Variants in NSD3 observed in about 807,000 individuals in gnomAD.
NSD3 encodes nuclear receptor binding SET domain protein 3, also known as histone-lysine N-methyltransferase NSD3.
A neutral mutation model predicts 160.8 loss-of-function variants in NSD3; 24 were observed. The observed-to-expected ratio is 0.15, with a 90% CI of 0.11 to 0.21. The LOEUF (loss-of-function observed/expected upper bound fraction) is 0.21. Among genes scored for constraint, NSD3 ranks in the 10% least tolerant of loss-of-function variants. The pLI is 1.00. For synonymous variants in NSD3, 520 were observed against 600.0 expected, an observed-to-expected ratio of 0.87 and a Z score of 1.95; for missense variants, 1,157 against 1,735.9, an observed-to-expected ratio of 0.67 and a Z score of 5.93.
chr8:38,316,649 A>T lies in NSD3; in HGVS notation c.1856-607T>A. The T allele has an allele frequency of 1.9e-6, 2 of 1,053,350 alleles. No individual in the cohort carries two copies. The highest frequency in any genetic ancestry group is 2.3e-6 in the Non-Finnish European group (2 of 871,782). The allele number at this position is 1,053,350 out of a possible 1,614,324, so 65.3% of individuals were successfully genotyped here. ...TTAACAAGCGCTGCAGCACATCTACATATGTCATGCCATTTAGAAGGCACA... is the reference window on the plus strand; with the variant it reads ...TTAACAAGCGCTGCAGCACATCTACTTATGTCATGCCATTTAGAAGGCACA... On this transcript the variant is annotated intron_variant, in intron 9 of 23. Coordinates refer to ENST00000317025, the MANE Select transcript of NSD3 (RefSeq NM_023034.2). The surrounding 1 kb of genome is among the most constrained non-coding windows in gnomAD (Gnocchi z 4.5).
chr8:38,326,687 A>G, intron 7 of NSD3, 43 bp downstream of exon 7: 1 of 1,571,742 alleles, frequency 6.4e-7, no homozygotes. Context: ...CAGAACAAGG[A>G]TTTCTCAAAA....
intron 19 of NSD3, among the ~76,000 whole-genome samples, chr8:38,282,318 T>A (rs1480858206): frequency 2.6e-5 from 4 of 152,168 alleles, no homozygotes; most frequent in Non-Finnish European, 5.9e-5. Flanking sequence ...CCTCCACTCA[T>A]CTCATCCTAA....
At chr8:38,311,700 T>A (rs1021349619) in intron 12 of NSD3, among the ~76,000 whole-genome samples, 9 of 152,340 alleles carry the variant, frequency 5.9e-5, no homozygotes, top group African/African-American at 2.2e-4. Flanking sequence ...TTATGAGATA[T>A]GTAATTTGCA....
chr8:38,358,845 G>C (rs1810888468), intron 1 of NSD3, among the ~76,000 whole-genome samples: 1 of 152,030 alleles, frequency 6.6e-6, no homozygotes, highest in South Asian at 2.1e-4. Flanking sequence ...CCGGGTGACA[G>C]CATCAAGGGA....
chr8:38,377,644 C>T (rs1168449432), intron 1 of NSD3, among the ~76,000 whole-genome samples: 1 of 152,244 alleles, frequency 6.6e-6, no homozygotes, highest in South Asian at 2.1e-4. Context: ...TGAGCCACTG[C>T]GCCCAGCCGT....
In NSD3 at chr8:38,275,506, A is replaced by G. The variant is rs1808577063; in HGVS notation, c.*135T>C. On this transcript the variant is annotated 3_prime_UTR_variant, in exon 24 of 24. Transcript: ENST00000317025. ...ACCACCAACTGCTTCTGCCTGCATG[A>G]ACTGGTTTCCCATTTTTGCTTTAAT... The G allele has an allele frequency of 1.3e-6, 1 of 794,734 alleles. No homozygotes were observed. Among genetic ancestry groups the G allele is most frequent in the African/African-American group, 1.7e-5 (1 of 57,340 alleles). The allele number at this position is 794,734 out of a possible 1,614,324, so 49.2% of individuals were successfully genotyped here. A position where few individuals can be genotyped will look rare whatever the true frequency, so the allele number is the denominator to read the frequency against.
intron 16 of NSD3, among the ~76,000 whole-genome samples, chr8:38,291,620 C>T (rs1184168211): frequency 6.6e-6 from 1 of 152,164 alleles, no homozygotes; most frequent in Non-Finnish European, 1.5e-5. Flanking sequence ...GGGTAAGAAT[C>T]CATGCGCAAA....
In NSD3 at chr8:38,288,904, C is replaced by T. The variant is rs993139268; in HGVS notation, c.3232-148G>A. On this transcript the variant is annotated intron_variant, in intron 18 of 23. Transcript: ENST00000317025. The surrounding 1 kb of genome is among the most constrained non-coding windows in gnomAD (Gnocchi z 4.5). ...CTGATGAATAAGCTGAGATTAATAA[C>T]CATCTCTTTTGTCATTTAGTTGACA... The T allele has an allele frequency of 6.9e-5, 70 of 1,016,946 alleles. No homozygotes were observed. In the African/African-American group the frequency reaches 9.1e-4, roughly 13 times the overall value. The allele number at this position is 1,016,946 out of a possible 1,614,324, so 63.0% of individuals were successfully genotyped here.
chr8:38,278,947 G>C (rs1024188384), intron 21 of NSD3, among the ~76,000 whole-genome samples: 2 of 152,204 alleles, frequency 1.3e-5, no homozygotes, highest in African/African-American at 4.8e-5. Flanking sequence ...TAGAAACACA[G>C]TTTAAATCTG....
In NSD3 at chr8:38,317,945, G is replaced by A. The variant is rs1455885287; in HGVS notation, c.1855+950C>T. The A allele has an allele frequency of 6.2e-7, 1 of 1,614,004 alleles. No homozygotes were observed. Among genetic ancestry groups the A allele is most frequent in the Non-Finnish European group, 8.5e-7 (1 of 1,180,022 alleles). On this transcript the variant is annotated intron_variant, in intron 9 of 23. Transcript: ENST00000317025. The surrounding 1 kb of genome is among the most constrained non-coding windows in gnomAD (Gnocchi z 5.3). ...AGTCTGGAGTTTCTGGGATGAAATT[G>A]TACAGGAATCTCAGTCCACAGTTTC... is the stretch of plus-strand genomic sequence containing the variant.
intron 1 of NSD3, among the ~76,000 whole-genome samples, chr8:38,374,186 G>A (rs1391388892): frequency 6.6e-6 from 1 of 151,630 alleles, no homozygotes. Flanking sequence ...ATGAGGCTAG[G>A]AGAACTGCTT....
Position 38,274,278 on chromosome 8 carries a change from G to A in NSD3, c.*1363C>T, listed in dbSNP as rs1730158911. 6.6e-6 allele frequency: 1 copy of A among 152,196 alleles called. No homozygotes were observed. Among genetic ancestry groups the A allele is most frequent in the Non-Finnish European group, 1.5e-5 (1 of 68,024 alleles). The allele number at this position is 152,196 out of a possible 1,614,324, so 9.4% of individuals were successfully genotyped here. A position where few individuals can be genotyped will look rare whatever the true frequency, so the allele number is the denominator to read the frequency against. On this transcript the variant is annotated 3_prime_UTR_variant, in exon 24 of 24. Coordinates refer to ENST00000317025, the MANE Select transcript of NSD3 (RefSeq NM_023034.2). ...ATATTCCTAAGCATTAAAAGCAAGTGAGTTTGGTGAGCAGACATCTTGGTA... is the reference window on the plus strand; with the variant it reads ...ATATTCCTAAGCATTAAAAGCAAGTAAGTTTGGTGAGCAGACATCTTGGTA...
Position 38,318,875 on chromosome 8 carries a change from A to G in NSD3, c.1855+20T>C, listed in dbSNP as rs1229582578. ...GTTTTAATCAAGGAAATGCAAAGCA[A>G]CATTATAATATTAACTCACCTTTCT... On this transcript the variant is annotated intron_variant, in intron 9 of 23. Transcript: ENST00000317025. The surrounding 1 kb of genome is among the most constrained non-coding windows in gnomAD (Gnocchi z 5.3). 12 of 1,605,602 alleles carry G rather than the reference A, an allele frequency of 7.5e-6. No individual in the cohort carries two copies. The highest frequency in any genetic ancestry group is 2.7e-5 in the African/African-American group (2 of 74,486).
chr8:38,289,384 A>G lies in NSD3; in HGVS notation c.3231+9T>C. On this transcript the variant is annotated intron_variant, in intron 18 of 23. Transcript: ENST00000317025. Reference sequence around the variant, plus strand: ...ATTTGGCAATCCCAGGCCAGAGATAAAGACTTACTTTGATGTGTTTGTAGG... The same window carrying G: ...ATTTGGCAATCCCAGGCCAGAGATAGAGACTTACTTTGATGTGTTTGTAGG... 1 of 1,604,002 alleles carries G rather than the reference A, an allele frequency of 6.2e-7. No homozygotes were observed. The highest frequency in any genetic ancestry group is 8.5e-7 in the Non-Finnish European group (1 of 1,175,940).
rs1042610191 is a variant in NSD3 at position 38,329,013 on chromosome 8, T to C, written c.1581+365A>G. On this transcript the variant is annotated intron_variant, in intron 6 of 23. Coordinates refer to ENST00000317025, the MANE Select transcript of NSD3 (RefSeq NM_023034.2). The surrounding 1 kb of genome is among the most constrained non-coding windows in gnomAD (Gnocchi z 4.8). ...TTTTTATAACAATGGTTAATTCATA[T>C]AATTGACAAAAATGATTTTAATAAG... 1.3e-5 allele frequency among the ~76,000 whole-genome samples: 2 copies of C among 152,200 alleles called. No individual in the cohort carries two copies. The highest frequency in any genetic ancestry group is 4.8e-5 in the African/African-American group (2 of 41,436).
chr8:38,301,702 T>A (rs1809280509), intron 14 of NSD3, among the ~76,000 whole-genome samples: 1 of 152,254 alleles, frequency 6.6e-6, no homozygotes, highest in East Asian at 1.9e-4. Flanking sequence ...AGTCCCTCCA[T>A]TTAACAACTT....
rs1346553569 is a variant in NSD3, at chr8:38,278,431, AATT to A, written c.3761-22_3761-20del. The A allele has an allele frequency of 2.5e-6, 4 of 1,593,244 alleles. No individual in the cohort carries two copies. In the Admixed American group the frequency reaches 7.0e-5, roughly 28 times the overall value. On this transcript the variant is annotated intron_variant, in intron 21 of 23. Transcript: ENST00000317025. ...TCCATCCCTGAAACACAGGAGAAAT[AATT>A]ATTCAAACTCGAGTCATGGGGAAGA... is the stretch of plus-strand genomic sequence containing the variant.
chr8:38,337,376 G>T lies in NSD3; in HGVS notation c.839C>A (p.Thr280Asn). Residue 280 changes from threonine to asparagine, a missense_variant, in exon 4 of 24, where the codon ACC (threonine) becomes AAC (asparagine). By Grantham distance (65) the Thr-to-Asn change is moderately conservative. Around this residue, in one of 10 missense-constraint regions of NSD3, gnomAD observed 99 missense variants for 151.8 expected, o/e 0.65. Coordinates refer to ENST00000317025, the MANE Select transcript of NSD3 (RefSeq NM_023034.2). Reference protein sequence around the residue: ...VGDLVWSKVGTYPWWPCMVSS... With the variant: ...VGDLVWSKVGNYPWWPCMVSS... Reference sequence around the variant, plus strand: ...AACCATACAAGGCCACCAAGGATAGGTTCCCACCTTGGACCACACAAGATC... The same window carrying T: ...AACCATACAAGGCCACCAAGGATAGTTTCCCACCTTGGACCACACAAGATC... 2 of 1,612,352 alleles carry T rather than the reference G, an allele frequency of 1.2e-6. No individual in the cohort carries two copies. The highest frequency in any genetic ancestry group is 1.7e-6 in the Non-Finnish European group (2 of 1,179,364).
chr8:38,358,402 T>C (rs1810876931), intron 1 of NSD3, among the ~76,000 whole-genome samples: 1 of 152,176 alleles, frequency 6.6e-6, no homozygotes, highest in South Asian at 2.1e-4. Context: ...GCAAGGAATA[T>C]TTCTCAAGGT....
Sources: gnomAD v4.1 joint callset for allele counts (sites outside exome capture counted in the v4.1 genomes callset) on GRCh38, gnomAD v4.1.1 for gene constraint, gnomAD v4.1.1 regional missense constraint, Gnocchi (gnomAD v3.1) non-coding constraint, MANE v1.5 for transcripts, NCBI Gene and HGNC (gene_info 2026-07-23, HGNC 2026-07-21) for gene names.